The following TMEM183A variants were observed in gnomAD, a reference collection of about 807,000 sequenced individuals.
The protein encoded by TMEM183A is chromosome 1 open reading frame 37.
In TMEM183A, 21 loss-of-function variants were observed where a neutral mutation model predicts 46.7. The ratio of observed to expected loss-of-function variants is 0.45; its 90% confidence interval spans 0.32 to 0.65. The LOEUF is 0.65. Ranked by LOEUF, TMEM183A falls within the 30% of genes least tolerant of loss-of-function variation. TMEM183A has a pLI of 0.04. For missense variants in TMEM183A, 331 were observed against 481.9 expected (o/e 0.69, Z 2.93); for synonymous variants, 165 against 180.2 (o/e 0.92, Z 0.68).
intron 6 of TMEM183A, 80 bp downstream of exon 6, chr1:203,018,641 G>T: frequency 6.7e-7 from 1 of 1,492,324 alleles, no homozygotes; most frequent in Non-Finnish European, 9.2e-7. Context: ...GTCTGTTTGT[G>T]TTGCTATAAC....
intron 6 of TMEM183A, among the ~76,000 whole-genome samples, chr1:203,019,627 T>G (rs1316723235): frequency 6.6e-6 from 1 of 152,228 alleles, no homozygotes; most frequent in African/African-American, 2.4e-5. Context: ...ATATATTATT[T>G]AAGCTTATTT....
chr1:203,015,080 G>C (rs1435216411), intron 4 of TMEM183A, 32 bp downstream of exon 4: 1 of 1,605,116 alleles, frequency 6.2e-7, no homozygotes, highest in African/African-American at 1.3e-5. Flanking sequence ...TCTTTTATCT[G>C]TGTGGCTGAT....
chr1:203,008,074 T>C (rs1209858515), intron 2 of TMEM183A, among the ~76,000 whole-genome samples: 1 of 152,258 alleles, frequency 6.6e-6, no homozygotes, highest in Non-Finnish European at 1.5e-5. Context: ...TTTAAAAACA[T>C]GTTTGCATAC....
chr1:203,010,564 A>G (rs1043280187), intron 3 of TMEM183A, among the ~76,000 whole-genome samples: 1 of 152,206 alleles, frequency 6.6e-6, no homozygotes, highest in African/African-American at 2.4e-5. Context: ...CTGATAAGGG[A>G]TACTCAACCA....
intron 6 of TMEM183A, among the ~76,000 whole-genome samples, chr1:203,020,349 G>GA (rs1246973683): frequency 6.6e-6 from 1 of 152,198 alleles, no homozygotes. Context: ...ATTACTGCAG[G>GA]AAAGTGAATG....
At chr1:203,018,273 T>C (rs1297656059) in intron 5 of TMEM183A, among the ~76,000 whole-genome samples, 4 of 152,218 alleles carry the variant, frequency 2.6e-5, no homozygotes, top group Non-Finnish European at 5.9e-5. Flanking sequence ...CCTGTCCTTA[T>C]TGAACAGCCC....
intron 5 of TMEM183A, 127 bp downstream of exon 5, chr1:203,016,267 A>G: frequency 7.4e-7 from 1 of 1,348,344 alleles, no homozygotes; most frequent in South Asian, 1.3e-5. Context: ...GACTAATGTA[A>G]ACTTCAGGGC....
Position 203,010,624 on chromosome 1 carries a change from G to T in TMEM183A, c.367+1814G>T, listed in dbSNP as rs1158122471. On this transcript the variant is annotated intron_variant, in intron 3 of 7. Coordinates refer to ENST00000367242, the MANE Select transcript of TMEM183A (RefSeq NM_138391.6). ...TGTCCTTAATTTTTCACTTGAAATC[G>T]CTACTTATCACCATTCTATTAGGGA... is the stretch of plus-strand genomic sequence containing the variant. 2.6e-5 allele frequency among the ~76,000 whole-genome samples: 4 copies of T among 152,042 alleles called. No individual in the cohort carries two copies. In the East Asian group the frequency reaches 7.7e-4, roughly 29 times the overall value.
rs144664475 is a variant in TMEM183A at position 203,007,816 on chromosome 1, G to A, written c.152G>A (p.Arg51Lys). The change falls in exon 2 of 8, where the codon AGG (arginine) becomes AAG (lysine). Residue 51 changes from arginine (R) to lysine (K), a missense_variant. By Grantham distance (26) the Arg-to-Lys change is conservative (BLOSUM62 2). This residue lies in a region of TMEM183A where 98 missense variants were observed against 96.1 expected (regional missense o/e 1.02). Coordinates refer to ENST00000367242, the MANE Select transcript of TMEM183A (RefSeq NM_138391.6). ...DYANSDPAVV[R>K]SGRVKKAVAN... is the part of the protein sequence containing the mutation. ...GCCAACTCGGATCCGGCGGTCGTGA[G>A]GTCTGGACGAGTCAAGAAAGCCGTA... 3.3e-5 allele frequency: 53 copies of A among 1,613,908 alleles called. No individual in the cohort carries two copies. Among genetic ancestry groups the A allele is most frequent in the Non-Finnish European group, 4.4e-5 (52 of 1,179,894 alleles).
At position 203,023,149 on chromosome 1, in the gene TMEM183A, T is replaced by A; in HGVS notation, c.*109T>A. 5.2e-6 allele frequency: 3 copies of A among 572,230 alleles called. No individual in the cohort carries two copies. The highest frequency in any genetic ancestry group is 8.9e-6 in the Non-Finnish European group (3 of 336,516). 35.4% of individuals were successfully genotyped at this position (572,230 alleles called of 1,614,324 possible). A position where few individuals can be genotyped will look rare whatever the true frequency, so the allele number is the denominator to read the frequency against. On this transcript the variant is annotated 3_prime_UTR_variant, in exon 8 of 8. Transcript: ENST00000367242. The stretch of plus-strand genomic sequence containing the variant: ...TATATCTCGTTAGTAATGTACATGC[T>A]CTTCAGGTTCTAGGGCTCCTGTTAG...
At chr1:203,010,946 C>T (rs1355249715) in intron 3 of TMEM183A, among the ~76,000 whole-genome samples, 2 of 152,184 alleles carry the variant, frequency 1.3e-5, no homozygotes, top group African/African-American at 4.8e-5. Context: ...TGGAATCATA[C>T]AATATATAGT....
At position 203,016,096 on chromosome 1, in the gene TMEM183A, C is replaced by A. The variant is rs746561575; in HGVS notation, c.664C>A (p.Pro222Thr). Residue 222 changes from proline to threonine, a missense_variant, in exon 5 of 8, where the codon CCA (proline) becomes ACA (threonine). Pro to Thr is a conservative substitution (Grantham distance 38). Transcript: ENST00000367242. ...ATTTGCTGCTCGAATCTCCAAGAAT[C>A]CAGCCATTCCAGAAAGCACCCCCAG... is the stretch of plus-strand genomic sequence containing the variant. ...EPFAARISKNPAIPESTPSTL... is the reference protein window; with the variant it reads ...EPFAARISKNTAIPESTPSTL... The A allele has an allele frequency of 6.2e-7, 1 of 1,614,212 alleles. No individual in the cohort carries two copies. The highest frequency in any genetic ancestry group is 8.5e-7 in the Non-Finnish European group (1 of 1,180,040).
chr1:203,020,126 A>G (rs1657530268), intron 6 of TMEM183A, among the ~76,000 whole-genome samples: 1 of 152,212 alleles, frequency 6.6e-6, no homozygotes, highest in African/African-American at 2.4e-5. Flanking sequence ...CAGGTGGGTT[A>G]CAGATAAGTT....
At chr1:203,015,790 A>G in intron 4 of TMEM183A, 170 bp from the exon 5 acceptor site, 1 of 761,816 alleles carries the variant, frequency 1.3e-6, no homozygotes, top group Non-Finnish European at 2.1e-6. Flanking sequence ...CCGGATTACA[A>G]GGCAAAGACG....
intron 5 of TMEM183A, chr1:203,017,862 A>G: frequency 5.1e-6 from 5 of 986,068 alleles, no homozygotes; most frequent in Non-Finnish European, 6.0e-6. Context: ...CGTACAGGGC[A>G]TGTCTGAAGG....
intron 3 of TMEM183A, among the ~76,000 whole-genome samples, chr1:203,012,469 A>T (rs1656753647): frequency 6.6e-6 from 1 of 152,146 alleles, no homozygotes; most frequent in South Asian, 2.1e-4. Context: ...GTTTCATGTT[A>T]GCACTTACTT....
At chr1:203,020,549 CAG>C (rs1339753749) in intron 6 of TMEM183A, among the ~76,000 whole-genome samples, 1 of 152,192 alleles carries the variant, frequency 6.6e-6, no homozygotes, top group Non-Finnish European at 1.5e-5. Context: ...CATTTCTTGT[CAG>C]ATGGCAAGGA....
intron 3 of TMEM183A, among the ~76,000 whole-genome samples, chr1:203,010,362 G>A (rs1301741036): frequency 6.6e-6 from 1 of 152,136 alleles, no homozygotes; most frequent in Non-Finnish European, 1.5e-5. Context: ...AAAACAGGTC[G>A]AGCATTCCAA....
chr1:203,008,938 C>T, intron 3 of TMEM183A, 128 bp downstream of exon 3: 3 of 1,007,940 alleles, frequency 3.0e-6, no homozygotes, highest in Non-Finnish European at 4.0e-6. Flanking sequence ...AAACTTGGCT[C>T]TCCCTAAGAA....
Sources: gnomAD v4.1 joint callset for allele counts (sites outside exome capture counted in the v4.1 genomes callset) on GRCh38, gnomAD v4.1.1 for gene constraint, gnomAD v4.1.1 regional missense constraint, MANE v1.5 for transcripts, NCBI Gene and HGNC (gene_info 2026-07-23, HGNC 2026-07-21) for gene names.